FGF14: variants seen among roughly 807,000 people sequenced by gnomAD.
FGF14 encodes the protein fibroblast growth factor 14.
In FGF14, 5 loss-of-function variants were observed where a neutral mutation model predicts 25.5. The observed-to-expected ratio is 0.20, with a 90% CI of 0.10 to 0.41. FGF14 has a LOEUF of 0.41. Ranked by LOEUF, FGF14 falls within the 10% of genes least tolerant of loss-of-function variation. FGF14 has a pLI of 1.00. For missense variants in FGF14, 222 were observed against 320.1 expected, an observed-to-expected ratio of 0.69 and a Z score of 2.34; for synonymous variants, 138 against 118.3, an observed-to-expected ratio of 1.17 and a Z score of -1.08.
At chr13:101,880,927 C>T (rs1375129297) in intron 1 of FGF14, among the ~76,000 whole-genome samples, 6 of 152,132 alleles carry the variant, frequency 3.9e-5, no homozygotes, top group Non-Finnish European at 8.8e-5. Context: ...TGGAGAAAAG[C>T]ATGCTTGAGC....
intron 3 of FGF14, among the ~76,000 whole-genome samples, chr13:101,762,424 G>A (rs1034908670): frequency 1.3e-5 from 2 of 152,136 alleles, no homozygotes; most frequent in African/African-American, 4.8e-5. Flanking sequence ...AAATACCTTT[G>A]TCAGGGGCAT....
intron 1 of FGF14, among the ~76,000 whole-genome samples, chr13:102,132,291 C>G (rs932651385): frequency 7.2e-5 from 11 of 152,202 alleles, no homozygotes; most frequent in Middle Eastern, 6.8e-3. Flanking sequence ...AAAGAAAATA[C>G]AAAATATTTT....
At chr13:101,830,978 T>G (rs1036365257) in intron 3 of FGF14, among the ~76,000 whole-genome samples, 2 of 152,112 alleles carry the variant, frequency 1.3e-5, no homozygotes, top group Non-Finnish European at 2.9e-5. Context: ...TTTTAAGTAA[T>G]CTTGTGATTA....
chr13:102,057,291 G>T (rs1214608455), intron 1 of FGF14, among the ~76,000 whole-genome samples: 1 of 152,026 alleles, frequency 6.6e-6, no homozygotes, highest in Non-Finnish European at 1.5e-5. Flanking sequence ...AAATCTTATA[G>T]TTTAATGAAT....
chr13:101,897,887 T>A (rs1566397683), intron 1 of FGF14, among the ~76,000 whole-genome samples: 1 of 152,106 alleles, frequency 6.6e-6, no homozygotes, highest in Non-Finnish European at 1.5e-5. Flanking sequence ...TTAGGATTTT[T>A]AATTTATTTT....
chr13:101,737,113 T>C (rs1382021758), intron 3 of FGF14, among the ~76,000 whole-genome samples: 1 of 150,184 alleles, frequency 6.7e-6, no homozygotes, highest in Non-Finnish European at 1.5e-5. Flanking sequence ...CTACTTGATC[T>C]AGATTTGTTA....
intron 3 of FGF14, among the ~76,000 whole-genome samples, chr13:101,732,493 C>T (rs1260355555): frequency 2.0e-5 from 3 of 152,094 alleles, no homozygotes; most frequent in Admixed American, 6.6e-5. Flanking sequence ...GAGTCATCCA[C>T]GAATTCAGTC....
intron 1 of FGF14, among the ~76,000 whole-genome samples, chr13:102,060,157 CAA>C (rs199958869): frequency 8.4e-5 from 12 of 143,510 alleles, no homozygotes; most frequent in African/African-American, 2.3e-4. Context: ...TGCAAATATT[CAA>C]AAAAAAAAAA....
At chr13:102,087,407 C>CTTTTTTTTTTTTTTTTTTT (rs71125043) in intron 1 of FGF14, among the ~76,000 whole-genome samples, 1 of 84,446 alleles carries the variant, frequency 1.2e-5, no homozygotes, top group Admixed American at 1.7e-4. Flanking sequence ...ACTGTAATTT[C>CTTTTTTTTTTTTTTTTTTT]TTTTTTTTTT....
intron 1 of FGF14, among the ~76,000 whole-genome samples, chr13:102,289,119 C>T (rs994200210): frequency 3.9e-5 from 6 of 152,252 alleles, no homozygotes; most frequent in East Asian, 1.9e-4. Flanking sequence ...CTTAGTATTA[C>T]TAGAATTATG....
chr13:102,327,898 AAAAAT>A (rs1434424438), intron 1 of FGF14, among the ~76,000 whole-genome samples: 4 of 151,682 alleles, frequency 2.6e-5, no homozygotes, highest in African/African-American at 9.6e-5. Flanking sequence ...ATTTCCAAAA[AAAAAT>A]AAAAATAAAA....
intron 3 of FGF14, among the ~76,000 whole-genome samples, chr13:101,813,411 T>C (rs2041676801): frequency 6.6e-6 from 1 of 152,218 alleles, no homozygotes; most frequent in South Asian, 2.1e-4. Flanking sequence ...CTCCCCACTC[T>C]TCTGCCATGT....
chr13:101,867,677 C>T (rs1028894375), intron 3 of FGF14, among the ~76,000 whole-genome samples: 6 of 151,988 alleles, frequency 3.9e-5, no homozygotes, highest in African/African-American at 1.4e-4. Context: ...TCGTCTTGTG[C>T]GAGAGAACAC....
At chr13:101,946,231 T>C (rs1376968950) in intron 1 of FGF14, among the ~76,000 whole-genome samples, 1 of 151,960 alleles carries the variant, frequency 6.6e-6, no homozygotes, top group Non-Finnish European at 1.5e-5. Flanking sequence ...GCCTTGGAGC[T>C]GACTCTTCCA....
At chr13:102,055,700 G>C (rs543024469) in intron 1 of FGF14, among the ~76,000 whole-genome samples, 1 of 152,234 alleles carries the variant, frequency 6.6e-6, no homozygotes, top group East Asian at 1.9e-4. Flanking sequence ...CACAACACAG[G>C]GGGTGGCAAA....
intron 1 of FGF14, among the ~76,000 whole-genome samples, chr13:102,134,092 T>C (rs919747330): frequency 6.6e-6 from 1 of 152,208 alleles, no homozygotes; most frequent in Non-Finnish European, 1.5e-5. Flanking sequence ...GGCACTGGGC[T>C]AGACACTGAG....
intron 1 of FGF14, among the ~76,000 whole-genome samples, chr13:102,111,954 G>A (rs1281334416): frequency 6.6e-6 from 1 of 152,004 alleles, no homozygotes; most frequent in Non-Finnish European, 1.5e-5. Flanking sequence ...AATTTAATTT[G>A]TATTTTCCCC....
chr13:102,059,775 C>T (rs9300709), intron 1 of FGF14, among the ~76,000 whole-genome samples: 70,910 of 151,428 alleles, frequency 0.47, 16,986 homozygotes, highest in East Asian at 0.69. Context: ...CACTGGAACC[C>T]GGGAGATGGA....
intron 1 of FGF14, among the ~76,000 whole-genome samples, chr13:102,257,206 C>G (rs1241834644): frequency 1.3e-5 from 2 of 152,034 alleles, no homozygotes; most frequent in Non-Finnish European, 2.9e-5. Context: ...AAAAGCATAC[C>G]TGCCAACAGA....
Sources: gnomAD v4.1 joint callset for allele counts (sites outside exome capture counted in the v4.1 genomes callset) on GRCh38, gnomAD v4.1.1 for gene constraint, MANE v1.5 for transcripts, NCBI Gene and HGNC (gene_info 2026-07-23, HGNC 2026-07-21) for gene names.